CLVS2: variants seen among roughly 807,000 people sequenced by gnomAD.
The protein encoded by CLVS2 is clavesin-2.
In CLVS2, 19 loss-of-function variants were observed where a neutral mutation model predicts 29.0. That is an observed-to-expected ratio of 0.66 (90% CI 0.46 to 0.96). CLVS2 has a LOEUF of 0.96. Among genes scored for constraint, CLVS2 ranks in the 40% least tolerant of loss-of-function variants. The probability of loss-of-function intolerance (pLI) is 0.00; values close to 1 mark genes in which losing one functional copy is unlikely to be tolerated. For synonymous variants in CLVS2, 161 were observed against 151.3 expected (o/e 1.06, Z -0.47); for missense variants, 294 against 404.1 (o/e 0.73, Z 2.34).
chr6:123,069,385 A>G lies in CLVS2; in HGVS notation c.*5624A>G, dbSNP rs375472870. Reference sequence around the variant, plus strand: ...AAAAAAATTCAGCCTGATTTGAGAAAGAATGCTTACTCAATAAATATGTAT... The same window carrying G: ...AAAAAAATTCAGCCTGATTTGAGAAGGAATGCTTACTCAATAAATATGTAT... On this transcript the variant is annotated 3_prime_UTR_variant, in exon 6 of 6. Coordinates refer to ENST00000275162, the MANE Select transcript of CLVS2 (RefSeq NM_001010852.4). 2.2e-3 allele frequency: 334 copies of G among 151,972 alleles called. 1 individual carries two copies. Among genetic ancestry groups the G allele is most frequent in the African/African-American group, 7.7e-3 (320 of 41,544 alleles). 9.4% of individuals were successfully genotyped at this position (151,972 alleles called of 1,614,324 possible).
chr6:123,010,471 T>C (rs1043302047), intron 2 of CLVS2, among the ~76,000 whole-genome samples: 2 of 152,076 alleles, frequency 1.3e-5, no homozygotes, highest in Non-Finnish European at 2.9e-5. Context: ...TATCTCCTTC[T>C]CTTTCTATCC....
chr6:123,051,645 T>G (rs1034196220), intron 4 of CLVS2, among the ~76,000 whole-genome samples: 10 of 152,214 alleles, frequency 6.6e-5, no homozygotes, highest in Non-Finnish European at 1.5e-4. Context: ...CAATGTTGTC[T>G]TCTACTCCTT....
At chr6:123,048,223 T>A (rs1772545077) in intron 3 of CLVS2, among the ~76,000 whole-genome samples, 2 of 151,766 alleles carry the variant, frequency 1.3e-5, no homozygotes, top group Non-Finnish European at 2.9e-5. Context: ...ATATTTTATT[T>A]AAAAAATAGA....
rs1772967078 is a variant in CLVS2 at position 123,072,650 on chromosome 6, A to G, written c.*8889A>G. ...GTTCAAGCTCAAGTATACACAGCAC[A>G]TGAAAGATCCTATAGTTCATGTTCT... is the stretch of plus-strand genomic sequence containing the variant. On this transcript the variant is annotated 3_prime_UTR_variant, in exon 6 of 6. Coordinates refer to ENST00000275162, the MANE Select transcript of CLVS2 (RefSeq NM_001010852.4). The G allele has an allele frequency of 6.6e-6, 1 of 152,110 alleles. No individual in the cohort carries two copies. The highest frequency in any genetic ancestry group is 2.4e-5 in the African/African-American group (1 of 41,452). The allele number at this position is 152,110 out of a possible 1,614,324, so 9.4% of individuals were successfully genotyped here.
chr6:123,007,015 C>A (rs76521267), intron 2 of CLVS2, among the ~76,000 whole-genome samples: 43 of 152,252 alleles, frequency 2.8e-4, no homozygotes, highest in Non-Finnish European at 5.1e-4. Context: ...AGAGTTTCAA[C>A]AGCAATAATC....
intron 5 of CLVS2, among the ~76,000 whole-genome samples, chr6:123,062,823 T>C (rs1053475262): frequency 6.6e-6 from 1 of 152,210 alleles, no homozygotes; most frequent in Admixed American, 6.5e-5. Flanking sequence ...AAGAATTCAT[T>C]ACCAAGGAGA....
At chr6:123,006,974 A>T (rs756243746) in intron 2 of CLVS2, among the ~76,000 whole-genome samples, 1 of 152,228 alleles carries the variant, frequency 6.6e-6, no homozygotes, top group Non-Finnish European at 1.5e-5. Flanking sequence ...AAGGAAAAAA[A>T]GTTCAATGCA....
intron 2 of CLVS2, among the ~76,000 whole-genome samples, chr6:123,006,856 C>T (rs1365995782): frequency 6.6e-6 from 1 of 152,094 alleles, no homozygotes; most frequent in Non-Finnish European, 1.5e-5. Context: ...TTGGTAACTC[C>T]AGGAGATACT....
At chr6:123,051,629 T>A (rs776087281) in intron 4 of CLVS2, among the ~76,000 whole-genome samples, 4 of 152,196 alleles carry the variant, frequency 2.6e-5, no homozygotes, top group African/African-American at 4.8e-5. Context: ...TTTTAGTCAA[T>A]ATGGCCAATG....
At chr6:123,001,482 A>C (rs1254179620) in intron 2 of CLVS2, among the ~76,000 whole-genome samples, 1 of 152,242 alleles carries the variant, frequency 6.6e-6, no homozygotes, top group African/African-American at 2.4e-5. Context: ...GGGCAAGCCC[A>C]GATGACCTGT....
rs375354563 is a variant in CLVS2, at chr6:123,011,165, A to T, written c.564+6A>T. 72 of 1,544,078 alleles carry T rather than the reference A, an allele frequency of 4.7e-5. No individual in the cohort carries two copies. Among genetic ancestry groups the T allele is most frequent in the Non-Finnish European group, 6.2e-5 (71 of 1,139,382 alleles). ...TAGCTATTGAAGGCCTGCAGGTAGG[A>T]TATGGAAATTACCTACTTCCTTGGT... On this transcript the variant is annotated splice_donor_region_variant and intron_variant, in intron 3 of 5. Coordinates refer to ENST00000275162, the MANE Select transcript of CLVS2 (RefSeq NM_001010852.4).
intron 3 of CLVS2, among the ~76,000 whole-genome samples, chr6:123,021,524 T>C (rs1180642840): frequency 6.6e-6 from 1 of 152,042 alleles, no homozygotes; most frequent in Non-Finnish European, 1.5e-5. Context: ...TATAATAACA[T>C]TTCTGTTTTG....
At chr6:123,055,563 C>T (rs1393513243) in intron 4 of CLVS2, among the ~76,000 whole-genome samples, 1 of 152,130 alleles carries the variant, frequency 6.6e-6, no homozygotes, top group Non-Finnish European at 1.5e-5. Context: ...CTCTTTTACC[C>T]AATAACTCTC....
chr6:123,041,304 T>C (rs1338201385), intron 3 of CLVS2, among the ~76,000 whole-genome samples: 1 of 152,136 alleles, frequency 6.6e-6, no homozygotes, highest in African/African-American at 2.4e-5. Context: ...AGCCAAATCC[T>C]TCTGCCTTCA....
At chr6:123,009,070 TG>T (rs1774713201) in intron 2 of CLVS2, among the ~76,000 whole-genome samples, 1 of 152,124 alleles carries the variant, frequency 6.6e-6, no homozygotes, top group Admixed American at 6.6e-5. Context: ...AAGTATGCTA[TG>T]TGTGTATTCC....
chr6:123,010,772 C>G (rs1197883245), intron 2 of CLVS2, among the ~76,000 whole-genome samples: 2 of 151,890 alleles, frequency 1.3e-5, no homozygotes, highest in African/African-American at 2.4e-5. Context: ...AAAAGCGTTT[C>G]CATTTGTTTG....
At chr6:123,008,120 G>A (rs1360512588) in intron 2 of CLVS2, among the ~76,000 whole-genome samples, 1 of 152,124 alleles carries the variant, frequency 6.6e-6, no homozygotes, top group Non-Finnish European at 1.5e-5. Flanking sequence ...TTTGACAACA[G>A]AGGAGTGGAG....
At chr6:123,007,560 T>C (rs1304141508) in intron 2 of CLVS2, among the ~76,000 whole-genome samples, 4 of 152,198 alleles carry the variant, frequency 2.6e-5, no homozygotes, top group Non-Finnish European at 5.9e-5. Context: ...TCCTTCTGAT[T>C]GCACAGGTAG....
intron 3 of CLVS2, among the ~76,000 whole-genome samples, chr6:123,026,415 G>A (rs1050323247): frequency 1.3e-5 from 2 of 152,074 alleles, no homozygotes; most frequent in Non-Finnish European, 2.9e-5. Context: ...AATATACAAT[G>A]CATTATGTTA....
Sources: gnomAD v4.1 joint callset for allele counts (sites outside exome capture counted in the v4.1 genomes callset) on GRCh38, gnomAD v4.1.1 for gene constraint, MANE v1.5 for transcripts, NCBI Gene and HGNC (gene_info 2026-07-23, HGNC 2026-07-21) for gene names.